Variants in MACROD2 observed in about 807,000 individuals in gnomAD.
MACROD2 encodes ADP-ribose glycohydrolase MACROD2.
Under a neutral mutation model 70.4 loss-of-function variants are expected in MACROD2, and 36 were observed. The observed-to-expected ratio is 0.51, with a 90% CI of 0.39 to 0.68. The LOEUF is 0.68. MACROD2 is among the 30% of genes least tolerant of loss of function. The pLI is 0.00. For missense variants in MACROD2, 496 were observed against 538.4 expected (o/e 0.92, Z 0.78); for synonymous variants, 172 against 178.8 (o/e 0.96, Z 0.30).
At chr20:15,503,843 A>G (rs1046759483) in intron 8 of MACROD2, among the ~76,000 whole-genome samples, 5 of 152,148 alleles carry the variant, frequency 3.3e-5, no homozygotes, top group Middle Eastern at 3.2e-3. Flanking sequence ...GGTTCCCCCA[A>G]AATTTTCCTT....
intron 8 of MACROD2, among the ~76,000 whole-genome samples, chr20:15,853,254 C>T (rs578003003): frequency 2.6e-5 from 4 of 152,106 alleles, no homozygotes; most frequent in Non-Finnish European, 5.9e-5. Flanking sequence ...AGCATTTACT[C>T]TATGTCAGGC....
At chr20:14,122,265 C>T (rs1338569010) in intron 3 of MACROD2, among the ~76,000 whole-genome samples, 1 of 152,150 alleles carries the variant, frequency 6.6e-6, no homozygotes, top group Non-Finnish European at 1.5e-5. Flanking sequence ...TAGCTCCTCT[C>T]AGTATCTCTG....
At chr20:15,170,224 C>T (rs2076413574) in intron 5 of MACROD2, among the ~76,000 whole-genome samples, 1 of 152,094 alleles carries the variant, frequency 6.6e-6, no homozygotes, top group African/African-American at 2.4e-5. Context: ...GATAATAGAG[C>T]ATGTATTGTT....
At chr20:15,648,929 A>G (rs1455614326) in intron 8 of MACROD2, among the ~76,000 whole-genome samples, 1 of 152,210 alleles carries the variant, frequency 6.6e-6, no homozygotes, top group Non-Finnish European at 1.5e-5. Context: ...AAAATGGCTT[A>G]TGTAATAGAG....
At position 16,051,613 on chromosome 20, in the gene MACROD2, T is replaced by A. The variant is rs1392314640; in HGVS notation, c.*1737T>A. On this transcript the variant is annotated 3_prime_UTR_variant, in exon 18 of 18. Transcript: ENST00000684519. ...AAGCATCTATATCCTCTATTGCCGT[T>A]AGATGTTGTTGCTTTTCAGAAAAGT... The A allele has an allele frequency of 6.6e-6, 1 of 152,228 alleles. No individual in the cohort carries two copies. The highest frequency in any genetic ancestry group is 1.5e-5 in the Non-Finnish European group (1 of 68,040). 9.4% of individuals were successfully genotyped at this position (152,228 alleles called of 1,614,324 possible).
chr20:15,211,300 T>C (rs748693814), intron 5 of MACROD2, among the ~76,000 whole-genome samples: 1 of 152,248 alleles, frequency 6.6e-6, no homozygotes, highest in East Asian at 1.9e-4. Context: ...GGCTAAATAA[T>C]ATTCCATTAG....
intron 5 of MACROD2, among the ~76,000 whole-genome samples, chr20:14,710,004 A>G (rs900443252): frequency 6.6e-6 from 1 of 152,182 alleles, no homozygotes; most frequent in African/African-American, 2.4e-5. Flanking sequence ...TTTTATTTAT[A>G]TATTTCTCCA....
At chr20:14,299,138 T>C (rs6110235) in intron 3 of MACROD2, among the ~76,000 whole-genome samples, 26,277 of 152,144 alleles carry the variant, frequency 0.17, 2,696 homozygotes, top group East Asian at 0.29. Context: ...AGATACCTTC[T>C]GTGAAAGGAG....
At chr20:15,437,894 T>A (rs575606346) in intron 7 of MACROD2, among the ~76,000 whole-genome samples, 1 of 152,254 alleles carries the variant, frequency 6.6e-6, no homozygotes, top group East Asian at 1.9e-4. Flanking sequence ...CTTTATCCAC[T>A]CTGTCACTGA....
At chr20:15,718,763 C>T (rs770897066) in intron 8 of MACROD2, among the ~76,000 whole-genome samples, 5 of 152,168 alleles carry the variant, frequency 3.3e-5, no homozygotes, top group African/African-American at 4.8e-5. Flanking sequence ...TACCCCCTAA[C>T]GATATTGCAG....
chr20:14,424,726 A>G (rs2083915225), intron 3 of MACROD2, among the ~76,000 whole-genome samples: 1 of 152,152 alleles, frequency 6.6e-6, no homozygotes, highest in African/African-American at 2.4e-5. Context: ...ATCATTTTCC[A>G]TCTTTATTTT....
intron 4 of MACROD2, among the ~76,000 whole-genome samples, chr20:14,650,625 A>G (rs1365380149): frequency 3.3e-5 from 5 of 152,184 alleles, no homozygotes; most frequent in Non-Finnish European, 7.3e-5. Context: ...CTAACAGCAA[A>G]CAGCTGGATG....
At chr20:14,394,562 C>A (rs563736265) in intron 3 of MACROD2, among the ~76,000 whole-genome samples, 7 of 152,210 alleles carry the variant, frequency 4.6e-5, no homozygotes, top group African/African-American at 1.4e-4. Context: ...GAATGCCTTT[C>A]TTTTTTCTGC....
chr20:15,586,542 T>C (rs1474019686), intron 8 of MACROD2, among the ~76,000 whole-genome samples: 3 of 152,196 alleles, frequency 2.0e-5, no homozygotes, highest in Admixed American at 1.3e-4. Context: ...TAAAACACAC[T>C]GATCTCAATA....
intron 4 of MACROD2, among the ~76,000 whole-genome samples, chr20:14,619,488 G>A (rs1568702558): frequency 1.1e-4 from 13 of 116,744 alleles, no homozygotes; most frequent in Non-Finnish European, 1.6e-4. Flanking sequence ...AGGAAGGAAG[G>A]AGGGAGGGGA....
At chr20:14,954,000 A>G (rs899941505) in intron 5 of MACROD2, among the ~76,000 whole-genome samples, 36 of 152,148 alleles carry the variant, frequency 2.4e-4, no homozygotes, top group Admixed American at 1.5e-3. Context: ...TTGTTAACCC[A>G]TTTGGTTTCT....
intron 15 of MACROD2, among the ~76,000 whole-genome samples, chr20:16,007,320 C>T (rs1179773811): frequency 3.3e-5 from 5 of 152,280 alleles, no homozygotes; most frequent in Non-Finnish European, 5.9e-5. Flanking sequence ...TCCCAGCCAA[C>T]GTGGCAGTTC....
intron 7 of MACROD2, among the ~76,000 whole-genome samples, chr20:15,436,564 G>A (rs2046430508): frequency 6.6e-6 from 1 of 152,104 alleles, no homozygotes; most frequent in Non-Finnish European, 1.5e-5. Flanking sequence ...AGACCATTCA[G>A]CATTATGCAA....
At chr20:15,303,742 C>T (rs2077669286) in intron 6 of MACROD2, among the ~76,000 whole-genome samples, 1 of 152,176 alleles carries the variant, frequency 6.6e-6, no homozygotes. Context: ...GCCCCAATTC[C>T]TTTATGCACC....
Sources: allele counts gnomAD v4.1 joint callset (sites outside exome capture counted in the v4.1 genomes callset), GRCh38; gene constraint gnomAD v4.1.1; transcripts MANE v1.5; gene names NCBI Gene and HGNC (gene_info 2026-07-23, HGNC 2026-07-21).